Variants in LRRC28 observed in about 807,000 individuals in gnomAD.
The protein encoded by LRRC28 is leucine-rich repeat-containing protein 28.
In LRRC28, 39 loss-of-function variants were observed where a neutral mutation model predicts 45.7. That is an observed-to-expected ratio of 0.85 (90% CI 0.66 to 1.12). The LOEUF is 1.12. Ranked by LOEUF, LRRC28 falls within the 50% of genes most tolerant of loss-of-function variation. The pLI is 0.00. For missense variants in LRRC28, 435 were observed against 438.5 expected, an observed-to-expected ratio of 0.99 and a Z score of 0.07; for synonymous variants, 206 against 178.8, an observed-to-expected ratio of 1.15 and a Z score of -1.22.
intron 6 of LRRC28, among the ~76,000 whole-genome samples, chr15:99,334,475 CG>C (rs1426267699): frequency 6.7e-6 from 1 of 149,850 alleles, no homozygotes; most frequent in Non-Finnish European, 1.5e-5. Flanking sequence ...TAGCTAGCTA[CG>C]GGTCTTAAGT....
chr15:99,353,927 G>C (rs959855329), intron 7 of LRRC28: 1 of 152,044 alleles, frequency 6.6e-6, no homozygotes, highest in Admixed American at 6.5e-5. Flanking sequence ...TGGTAGCAGT[G>C]GTAGTGAATT....
chr15:99,358,247 G>A (rs1957101115), intron 7 of LRRC28, among the ~76,000 whole-genome samples: 1 of 152,048 alleles, frequency 6.6e-6, no homozygotes, highest in Non-Finnish European at 1.5e-5. Flanking sequence ...TCACAAGAAA[G>A]GAACAGAATC....
At chr15:99,279,155 G>A (rs2081707159) in intron 3 of LRRC28, among the ~76,000 whole-genome samples, 1 of 152,310 alleles carries the variant, frequency 6.6e-6, no homozygotes, top group African/African-American at 2.4e-5. Context: ...GAGACAATAT[G>A]TGACCTTTTG....
At chr15:99,284,521 C>T (rs1031217804) in intron 3 of LRRC28, 19 of 456,086 alleles carry the variant, frequency 4.2e-5, no homozygotes, top group African/African-American at 3.8e-4. Flanking sequence ...GCCCTGCCAC[C>T]ACTGTGCTTG....
intron 8 of LRRC28, 139 bp downstream of exon 8, chr15:99,361,650 C>T (rs1957207415): frequency 2.5e-6 from 2 of 789,484 alleles, no homozygotes; most frequent in Non-Finnish European, 3.9e-6. Flanking sequence ...CCATTTTATC[C>T]ATCTTTAAGT....
chr15:99,365,631 G>A (rs1012321528), intron 9 of LRRC28, among the ~76,000 whole-genome samples: 2 of 152,174 alleles, frequency 1.3e-5, no homozygotes, highest in African/African-American at 4.8e-5. Flanking sequence ...ATCTTTCTAA[G>A]TTTTCTAATA....
chr15:99,350,679 C>G (rs1956849832), intron 6 of LRRC28, among the ~76,000 whole-genome samples: 1 of 152,202 alleles, frequency 6.6e-6, no homozygotes, highest in Non-Finnish European at 1.5e-5. Context: ...CTGTCTGGGC[C>G]TTTGACTTTC....
At chr15:99,293,553 G>A (rs11247074) in intron 5 of LRRC28, among the ~76,000 whole-genome samples, 49,070 of 129,110 alleles carry the variant, frequency 0.38, 9,679 homozygotes, top group African/African-American at 0.56. Context: ...AGATCATGCC[G>A]TTGCATTCCG....
chr15:99,376,623 G>A (rs570870271), intron 9 of LRRC28, among the ~76,000 whole-genome samples: 3 of 152,204 alleles, frequency 2.0e-5, no homozygotes, highest in Admixed American at 6.5e-5. Context: ...CCATGTTGGT[G>A]TGCTGCACTC....
intron 3 of LRRC28, among the ~76,000 whole-genome samples, chr15:99,280,048 T>C (rs2081739459): frequency 6.6e-6 from 1 of 152,198 alleles, no homozygotes; most frequent in Non-Finnish European, 1.5e-5. Context: ...CATTTGTATT[T>C]CTAGAATGAC....
chr15:99,352,476 G>A lies in LRRC28; in HGVS notation c.695+5G>A. On this transcript the variant is annotated splice_donor_5th_base_variant and intron_variant, in intron 7 of 9. Coordinates refer to ENST00000301981, the MANE Select transcript of LRRC28 (RefSeq NM_144598.5). ...TAAAGTCATCGGGTGCAGTGGGTAA[G>A]GCCGATTTCACATTTTGAACTAAAA... 1 of 1,600,514 alleles carries A rather than the reference G, an allele frequency of 6.2e-7. No homozygotes were observed. Among genetic ancestry groups the A allele is most frequent in the Non-Finnish European group, 8.5e-7 (1 of 1,173,082 alleles).
intron 5 of LRRC28, among the ~76,000 whole-genome samples, chr15:99,321,054 T>A (rs549048981): frequency 1.7e-4 from 25 of 150,290 alleles, no homozygotes; most frequent in Middle Eastern, 3.4e-3. Flanking sequence ...ATGAAAAAAA[T>A]GTTTTCCTTT....
At position 99,386,424 on chromosome 15, in the gene LRRC28, A is replaced by G. The variant is rs1957992712; in HGVS notation, c.*322A>G. On this transcript the variant is annotated 3_prime_UTR_variant, in exon 10 of 10. Transcript: ENST00000301981. ...GTCCTTGGAGAACAGTGACTTGATC[A>G]TCTAGCCAGATTCCCTTTTGAACAC... 1 of 244,300 alleles carries G rather than the reference A, an allele frequency of 4.1e-6. No individual in the cohort carries two copies. Among genetic ancestry groups the G allele is most frequent in the Non-Finnish European group, 7.9e-6 (1 of 126,814 alleles). The allele number at this position is 244,300 out of a possible 1,614,324, so 15.1% of individuals were successfully genotyped here.
chr15:99,263,318 CAAAA>C (rs34133374), intron 2 of LRRC28, among the ~76,000 whole-genome samples: 5 of 70,502 alleles, frequency 7.1e-5, no homozygotes, highest in Admixed American at 4.5e-4. Flanking sequence ...GACCCTGTCT[CAAAA>C]AAAAAAAAAA....
At chr15:99,299,234 A>C (rs2082338400) in intron 5 of LRRC28, among the ~76,000 whole-genome samples, 1 of 152,192 alleles carries the variant, frequency 6.6e-6, no homozygotes, top group South Asian at 2.1e-4. Flanking sequence ...TAGCATTTTC[A>C]TCTGTAATTA....
rs2152120049 is a variant in LRRC28 at position 99,254,852 on chromosome 15, C to T, written c.-60-1046C>T. On this transcript the variant is annotated intron_variant, in intron 1 of 9. Transcript: ENST00000301981. ...TAGAAGAGAATTTATAATAATCTGC[C>T]CTGGACTCAGGCCTTTAAACCAGTA... Among the ~76,000 whole-genome samples, 2 of 152,252 alleles carry T rather than the reference C, an allele frequency of 1.3e-5. 1 individual carries two copies. Among genetic ancestry groups the T allele is most frequent in the East Asian group, 3.9e-4 (2 of 5,184 alleles).
chr15:99,380,994 C>A (rs1422838215), intron 9 of LRRC28, among the ~76,000 whole-genome samples: 1 of 152,146 alleles, frequency 6.6e-6, no homozygotes, highest in Non-Finnish European at 1.5e-5. Flanking sequence ...TTTGGTGAAT[C>A]TGATAATTAT....
intron 3 of LRRC28, among the ~76,000 whole-genome samples, chr15:99,281,305 G>A (rs2081782799): frequency 6.6e-6 from 1 of 152,126 alleles, no homozygotes; most frequent in African/African-American, 2.4e-5. Context: ...ACACTGGAGT[G>A]TTGTGATGCA....
intron 9 of LRRC28, among the ~76,000 whole-genome samples, chr15:99,382,027 G>A (rs545081080): frequency 4.5e-4 from 68 of 152,326 alleles, no homozygotes; most frequent in African/African-American, 9.1e-4. Context: ...CTCAAACTCC[G>A]TGCTGGGAGA....
Sources: allele counts gnomAD v4.1 joint callset (sites outside exome capture counted in the v4.1 genomes callset), GRCh38; gene constraint gnomAD v4.1.1; transcripts MANE v1.5; gene names NCBI Gene and HGNC (gene_info 2026-07-23, HGNC 2026-07-21).